Variants in MYO5B observed in about 807,000 individuals in gnomAD.
MYO5B encodes myosin VB.
A neutral mutation model predicts 229.3 loss-of-function variants in MYO5B; 143 were observed. That is an observed-to-expected ratio of 0.62 (90% confidence interval 0.54 to 0.72). The LOEUF is 0.72. MYO5B is among the 30% of genes least tolerant of loss of function. MYO5B has a pLI of 0.00. For synonymous variants in MYO5B, 918 were observed against 885.2 expected, an observed-to-expected ratio of 1.04 and a Z score of -0.66; for missense variants, 2,321 against 2,331.0, an observed-to-expected ratio of 1.00 and a Z score of 0.09.
chr18:49,909,394 T>C (rs2024934317), intron 18 of MYO5B, among the ~76,000 whole-genome samples: 1 of 152,208 alleles, frequency 6.6e-6, no homozygotes, highest in East Asian at 1.9e-4. Flanking sequence ...TTAGAATCAG[T>C]CCACCTAGGC....
In MYO5B at chr18:50,112,667, T is replaced by G. The variant is rs77715041; in HGVS notation, c.28-57289A>C. On this transcript the variant is annotated intron_variant, in intron 1 of 39. Transcript: ENST00000285039. ...CATACACAAGAAAACCCCCACTATA[T>G]TAAGTCACTCCCTACTGGACTGAAG... is the stretch of plus-strand genomic sequence containing the variant. Among the ~76,000 whole-genome samples, 873 of 152,260 alleles carry G rather than the reference T, an allele frequency of 5.7e-3. 8 individuals carry two copies. Among genetic ancestry groups the G allele is most frequent in the African/African-American group, 0.019 (793 of 41,534 alleles).
rs567675658 is a variant in MYO5B at position 50,049,089 on chromosome 18, G to A, written c.138+6179C>T. Among the ~76,000 whole-genome samples, 8 of 151,254 alleles carry A rather than the reference G, an allele frequency of 5.3e-5. No homozygotes were observed. The South Asian group carries it at 1.5e-3, about 28-fold the overall frequency. On this transcript the variant is annotated intron_variant, in intron 2 of 39. Coordinates refer to ENST00000285039, the MANE Select transcript of MYO5B (RefSeq NM_001080467.3). ...AGACTCAGATACAAGGGTGAGTGGA[G>A]TAGCATCAAATATCCTGCCATGGCC...
At chr18:49,841,537 C>T in intron 34 of MYO5B, 83 bp from the exon 35 acceptor site, 1 of 1,240,556 alleles carries the variant, frequency 8.1e-7, no homozygotes, top group Non-Finnish European at 1.2e-6. Context: ...CCCCACATTT[C>T]CTACCCTTAC....
At chr18:49,892,013 C>G (rs1787558) in intron 22 of MYO5B, among the ~76,000 whole-genome samples, 88,883 of 152,032 alleles carry the variant, frequency 0.58, 26,112 homozygotes, top group Middle Eastern at 0.66. Context: ...AAGCCTTGCT[C>G]TGGTCCCATT....
chr18:49,974,917 A>G (rs2025733495), intron 9 of MYO5B, among the ~76,000 whole-genome samples: 1 of 152,040 alleles, frequency 6.6e-6, no homozygotes, highest in African/African-American at 2.4e-5. Flanking sequence ...GACTTTAAAA[A>G]CCAAAACATT....
At chr18:49,910,155 A>T (rs2024941774) in intron 18 of MYO5B, among the ~76,000 whole-genome samples, 1 of 152,206 alleles carries the variant, frequency 6.6e-6, no homozygotes, top group African/African-American at 2.4e-5. Context: ...CTGTGCCAGG[A>T]AAGGCCCAGT....
At chr18:49,942,757 A>G (rs1248233440) in intron 14 of MYO5B, among the ~76,000 whole-genome samples, 2 of 152,052 alleles carry the variant, frequency 1.3e-5, no homozygotes, top group Non-Finnish European at 2.9e-5. Context: ...ACACTTTTAC[A>G]CTGTTGGTGG....
intron 17 of MYO5B, among the ~76,000 whole-genome samples, chr18:49,913,188 G>T (rs1038515892): frequency 2.6e-5 from 4 of 152,084 alleles, no homozygotes; most frequent in Non-Finnish European, 4.4e-5. Flanking sequence ...GTGTGGGAGG[G>T]GAATCTTTAA....
At chr18:50,171,198 G>A (rs1335398166) in intron 1 of MYO5B, among the ~76,000 whole-genome samples, 1 of 128,374 alleles carries the variant, frequency 7.8e-6, no homozygotes, top group Non-Finnish European at 1.7e-5. Flanking sequence ...TCACAGATAA[G>A]TTGAGGAGAT....
chr18:50,084,348 C>T (rs141142942), intron 1 of MYO5B, among the ~76,000 whole-genome samples: 251 of 152,226 alleles, frequency 1.6e-3, no homozygotes, highest in African/African-American at 5.6e-3. Context: ...AGAGGAACTG[C>T]CTACTTAATT....
At chr18:50,028,245 G>A (rs140687292) in intron 4 of MYO5B, among the ~76,000 whole-genome samples, 1 of 152,250 alleles carries the variant, frequency 6.6e-6, no homozygotes, top group Non-Finnish European at 1.5e-5. Context: ...CATGTGGGTG[G>A]GGCAGGGAAA....
intron 36 of MYO5B, 69 bp from the exon 37 acceptor site, chr18:49,837,871 T>C: frequency 6.4e-7 from 1 of 1,558,394 alleles, no homozygotes; most frequent in South Asian, 1.1e-5. Context: ...ACCACTCAAA[T>C]CATTTAGTGC....
chr18:50,091,803 C>T (rs2031453976), intron 1 of MYO5B, among the ~76,000 whole-genome samples: 1 of 152,166 alleles, frequency 6.6e-6, no homozygotes, highest in Non-Finnish European at 1.5e-5. Flanking sequence ...AATATATAGG[C>T]TTGCACTGAA....
chr18:50,014,325 G>A (rs567912241), intron 4 of MYO5B, among the ~76,000 whole-genome samples: 17 of 147,844 alleles, frequency 1.1e-4, no homozygotes, highest in Non-Finnish European at 2.1e-4. Context: ...TACAACAGAA[G>A]CTATACAGTG....
In MYO5B at chr18:50,055,298, C is replaced by T. The variant is rs559605297; in HGVS notation, c.108G>A (p.Lys36=). ...ELTKDYKEGD[K]SLQLRLEDET... Reference sequence around the variant, plus strand: ...CATCCTCCAGTCTGAGCTGTAGGCTCTTGTCTCCTTCTTTGTAGTCCTTGG... The same window carrying T: ...CATCCTCCAGTCTGAGCTGTAGGCTTTTGTCTCCTTCTTTGTAGTCCTTGG... Residue 36 remains lysine (K), a synonymous_variant, in exon 2 of 40, where the codon AAG becomes AAA. Transcript: ENST00000285039. The T allele has an allele frequency of 1.3e-6, 2 of 1,513,780 alleles. No homozygotes were observed. The highest frequency in any genetic ancestry group is 2.8e-5 in the East Asian group (1 of 35,838). 93.8% of individuals were successfully genotyped at this position (1,513,780 alleles called of 1,614,324 possible).
intron 1 of MYO5B, among the ~76,000 whole-genome samples, chr18:50,123,616 A>G (rs144150803): frequency 6.6e-6 from 1 of 152,260 alleles, no homozygotes; most frequent in East Asian, 1.9e-4. Flanking sequence ...GGTGCACCGT[A>G]CAGTCCCAGC....
intron 36 of MYO5B, 104 bp from the exon 37 acceptor site, chr18:49,837,906 C>T (rs1598821389): frequency 1.4e-6 from 2 of 1,431,128 alleles, no homozygotes; most frequent in East Asian, 4.6e-5. Flanking sequence ...ATGATACCAT[C>T]CAGAGGTGTG....
At chr18:49,937,595 GACAA>G (rs1471588384) in intron 14 of MYO5B, among the ~76,000 whole-genome samples, 198 bp from the exon 15 acceptor site, 1 of 151,960 alleles carries the variant, frequency 6.6e-6, no homozygotes, top group Admixed American at 6.6e-5. Flanking sequence ...CTGATGAATG[GACAA>G]ACAAATGTGG....
At chr18:50,187,654 C>G (rs1450101418) in intron 1 of MYO5B, among the ~76,000 whole-genome samples, 1 of 152,070 alleles carries the variant, frequency 6.6e-6, no homozygotes, top group African/African-American at 2.4e-5. Flanking sequence ...TAGCTAGGAC[C>G]ACAGGTGCAT....
Sources: gnomAD v4.1 joint callset for allele counts (sites outside exome capture counted in the v4.1 genomes callset) on GRCh38, gnomAD v4.1.1 for gene constraint, MANE v1.5 for transcripts, NCBI Gene and HGNC (gene_info 2026-07-23, HGNC 2026-07-21) for gene names.